The following C8A variants were observed in gnomAD, a reference collection of about 807,000 sequenced individuals.
C8A encodes the protein complement C8 alpha chain, also known as complement component C8 alpha chain.
In C8A, 67 loss-of-function variants were observed where a neutral mutation model predicts 65.3. That is an observed-to-expected ratio of 1.03 (90% CI 0.84 to 1.26). The LOEUF (loss-of-function observed/expected upper bound fraction) is 1.26, where lower values mean the gene tolerates loss of function less well. Among genes scored for constraint, C8A ranks in the 50% most tolerant of loss-of-function variants. C8A has a pLI of 0.00. For missense variants in C8A, 781 were observed against 723.9 expected (o/e 1.08, Z -0.90); for synonymous variants, 290 against 259.4 (o/e 1.12, Z -1.13).
intron 8 of C8A, among the ~76,000 whole-genome samples, chr1:56,907,510 C>T (rs1437347377): frequency 6.6e-6 from 1 of 152,170 alleles, no homozygotes; most frequent in Non-Finnish European, 1.5e-5. Context: ...TTTCTGACTG[C>T]CTCCCACACC....
chr1:56,878,756 C>T (rs1177308544), intron 4 of C8A, among the ~76,000 whole-genome samples: 1 of 152,094 alleles, frequency 6.6e-6, no homozygotes, highest in African/African-American at 2.4e-5. Context: ...GCCCTCTCTC[C>T]CTTCCCTCCC....
chr1:56,864,827 C>A (rs997040978), intron 1 of C8A, among the ~76,000 whole-genome samples: 2 of 152,102 alleles, frequency 1.3e-5, no homozygotes, highest in African/African-American at 4.8e-5. Flanking sequence ...AAAGTCCCCA[C>A]CATCTTCTCA....
chr1:56,903,111 A>G (rs1644438370), intron 7 of C8A, among the ~76,000 whole-genome samples: 1 of 152,092 alleles, frequency 6.6e-6, no homozygotes, highest in Admixed American at 6.6e-5. Flanking sequence ...AGGATGTTAA[A>G]GTTTTCCCAG....
chr1:56,867,895 G>A (rs1279377525), intron 2 of C8A, among the ~76,000 whole-genome samples, 193 bp downstream of exon 2: 1 of 152,172 alleles, frequency 6.6e-6, no homozygotes, highest in Non-Finnish European at 1.5e-5. Flanking sequence ...GTAAGGTAGT[G>A]TTGAGTGAGG....
In C8A at chr1:56,854,998, C is replaced by T. The variant is rs1281371012; in HGVS notation, c.77+20C>T. 2 of 1,595,172 alleles carry T rather than the reference C, an allele frequency of 1.3e-6. No homozygotes were observed. The highest frequency in any genetic ancestry group is 2.2e-5 in the South Asian group (2 of 90,468). Reference sequence around the variant, plus strand: ...GAACCAGTAAGTGGGCCATATGTCTCTGCAAAACTTGCACGTAGGAATCAC... The same window carrying T: ...GAACCAGTAAGTGGGCCATATGTCTTTGCAAAACTTGCACGTAGGAATCAC... On this transcript the variant is annotated intron_variant, in intron 1 of 10. Coordinates refer to ENST00000361249, the MANE Select transcript of C8A (RefSeq NM_000562.3).
chr1:56,863,386 A>G (rs932873254), intron 1 of C8A, among the ~76,000 whole-genome samples: 1 of 152,198 alleles, frequency 6.6e-6, no homozygotes, highest in Non-Finnish European at 1.5e-5. Flanking sequence ...TAGCATTAGC[A>G]TGTATGCCTC....
chr1:56,874,531 G>A (rs935011082), intron 2 of C8A, among the ~76,000 whole-genome samples: 2 of 152,182 alleles, frequency 1.3e-5, no homozygotes, highest in Non-Finnish European at 2.9e-5. Flanking sequence ...ATTGCTCACA[G>A]TCTGGTGGGA....
intron 10 of C8A, among the ~76,000 whole-genome samples, chr1:56,917,349 C>A (rs748358318): frequency 6.6e-6 from 1 of 152,222 alleles, no homozygotes; most frequent in Non-Finnish European, 1.5e-5. Flanking sequence ...ATGGTCTCTG[C>A]AGTGAAACTG....
chr1:56,888,571 A>T (rs1045814951), intron 7 of C8A, among the ~76,000 whole-genome samples: 1 of 152,212 alleles, frequency 6.6e-6, no homozygotes, highest in Non-Finnish European at 1.5e-5. Context: ...GGCACTAAAG[A>T]TAAATTATTA....
intron 8 of C8A, among the ~76,000 whole-genome samples, chr1:56,907,237 G>T (rs1043248460): frequency 1.5e-4 from 23 of 152,174 alleles, no homozygotes; most frequent in African/African-American, 5.6e-4. Context: ...GTCAGTTGGG[G>T]TGTTCATGTG....
At chr1:56,872,900 A>T (rs1384466969) in intron 2 of C8A, among the ~76,000 whole-genome samples, 1 of 138,378 alleles carries the variant, frequency 7.2e-6, no homozygotes, top group Non-Finnish European at 1.7e-5. Context: ...AAAGAGAGGA[A>T]AAAAAAAAGA....
intron 2 of C8A, among the ~76,000 whole-genome samples, chr1:56,873,771 G>A (rs769685155): frequency 7.2e-5 from 11 of 152,112 alleles, no homozygotes; most frequent in Non-Finnish European, 1.6e-4. Flanking sequence ...TTCCTTGTCG[G>A]CCACTGTGTG....
intron 7 of C8A, among the ~76,000 whole-genome samples, chr1:56,894,496 G>T (rs1288052463): frequency 6.6e-6 from 1 of 152,100 alleles, no homozygotes; most frequent in Non-Finnish European, 1.5e-5. Context: ...GTGACCCTGG[G>T]AAAGACCCTT....
At chr1:56,896,936 T>C (rs184489353) in intron 7 of C8A, among the ~76,000 whole-genome samples, 2 of 152,308 alleles carry the variant, frequency 1.3e-5, no homozygotes, top group African/African-American at 4.8e-5. Context: ...CTCTATTTTA[T>C]GGCTGTCCTC....
intron 7 of C8A, among the ~76,000 whole-genome samples, chr1:56,904,364 T>C (rs1644448430): frequency 6.6e-6 from 1 of 152,190 alleles, no homozygotes; most frequent in Admixed American, 6.5e-5. Context: ...GGGATACAGA[T>C]TGGTCTTCAT....
intron 7 of C8A, among the ~76,000 whole-genome samples, chr1:56,904,626 G>C (rs1644450195): frequency 6.6e-6 from 1 of 152,140 alleles, no homozygotes; most frequent in South Asian, 2.1e-4. Context: ...GTGAATCTCA[G>C]CTTCACCATT....
intron 6 of C8A, among the ~76,000 whole-genome samples, chr1:56,884,457 A>T (rs985560323): frequency 6.6e-6 from 1 of 152,180 alleles, no homozygotes; most frequent in African/African-American, 2.4e-5. Flanking sequence ...AAGACTATGG[A>T]TCAAGGTGGG....
intron 1 of C8A, among the ~76,000 whole-genome samples, chr1:56,860,210 G>A (rs945438346): frequency 1.3e-5 from 2 of 152,170 alleles, no homozygotes; most frequent in African/African-American, 4.8e-5. Context: ...TGTGAAGGGC[G>A]GTAGTGAGAA....
chr1:56,902,473 C>T (rs1426488727), intron 7 of C8A, among the ~76,000 whole-genome samples: 1 of 152,140 alleles, frequency 6.6e-6, no homozygotes, highest in Non-Finnish European at 1.5e-5. Flanking sequence ...TTGTTCTTCT[C>T]TGATCATTCC....
Sources: allele counts gnomAD v4.1 joint callset (sites outside exome capture counted in the v4.1 genomes callset), GRCh38; gene constraint gnomAD v4.1.1; transcripts MANE v1.5; gene names NCBI Gene and HGNC (gene_info 2026-07-23, HGNC 2026-07-21).